The following BRINP3 variants were observed in gnomAD, a reference collection of about 807,000 sequenced individuals.
BRINP3 encodes the protein BMP/retinoic acid inducible neural specific 3, also known as BMP/retinoic acid-inducible neural-specific protein 3.
Under a neutral mutation model 71.0 loss-of-function variants are expected in BRINP3, and 19 were observed. The observed-to-expected ratio is 0.27, with a 90% confidence interval of 0.19 to 0.39. The LOEUF is 0.39. BRINP3 is among the 10% of genes least tolerant of loss of function. The pLI is 1.00. For synonymous variants in BRINP3, 380 were observed against 337.7 expected (o/e 1.13, Z -1.37); for missense variants, 959 against 940.8 (o/e 1.02, Z -0.25).
At chr1:190,389,483 A>T (rs1175895117) in intron 2 of BRINP3, among the ~76,000 whole-genome samples, 1 of 151,860 alleles carries the variant, frequency 6.6e-6, no homozygotes, top group Non-Finnish European at 1.5e-5. Flanking sequence ...TTAGGAACTA[A>T]AATTTAGTCT....
At chr1:190,420,166 C>T (rs559589596) in intron 2 of BRINP3, among the ~76,000 whole-genome samples, 8 of 151,986 alleles carry the variant, frequency 5.3e-5, no homozygotes, top group Non-Finnish European at 1.0e-4. Flanking sequence ...CAAACAGCTG[C>T]TCTAAGAATT....
intron 2 of BRINP3, among the ~76,000 whole-genome samples, chr1:190,299,824 G>A (rs1285889541): frequency 3.3e-5 from 5 of 151,748 alleles, no homozygotes; most frequent in Non-Finnish European, 7.4e-5. Context: ...TAGTTTGGCT[G>A]GATATGAAAT....
Position 190,329,696 on chromosome 1 carries a change from A to T in BRINP3, c.237-47946T>A, listed in dbSNP as rs533207202. Among the ~76,000 whole-genome samples, 154 of 152,192 alleles carry T rather than the reference A, an allele frequency of 1.0e-3. 3 individuals carry two copies. Among genetic ancestry groups the T allele is most frequent in the African/African-American group, 3.6e-3 (148 of 41,552 alleles). On this transcript the variant is annotated intron_variant, in intron 2 of 7. Coordinates refer to ENST00000367462, the MANE Select transcript of BRINP3 (RefSeq NM_199051.3). ...AAAATGAGCCTGAATAGCCAAAGCAACCCTGAGCACAAAGAACAAAGTCAG... is the reference window on the plus strand; with the variant it reads ...AAAATGAGCCTGAATAGCCAAAGCATCCCTGAGCACAAAGAACAAAGTCAG...
intron 2 of BRINP3, among the ~76,000 whole-genome samples, chr1:190,291,841 C>T (rs1663892917): frequency 6.6e-6 from 1 of 152,150 alleles, no homozygotes; most frequent in African/African-American, 2.4e-5. Context: ...GATATCTGCA[C>T]TTCCATGTTT....
At chr1:190,286,273 A>C (rs936915354) in intron 2 of BRINP3, among the ~76,000 whole-genome samples, 1 of 152,118 alleles carries the variant, frequency 6.6e-6, no homozygotes, top group African/African-American at 2.4e-5. Flanking sequence ...TTTTATCCCT[A>C]CTCAGCTCAT....
intron 7 of BRINP3, among the ~76,000 whole-genome samples, chr1:190,100,685 G>C (rs1002909014): frequency 1.3e-5 from 2 of 152,076 alleles, no homozygotes; most frequent in African/African-American, 4.8e-5. Context: ...AGCCTTTCTT[G>C]TCCAGCTTCT....
rs1663063805 is a variant in BRINP3 at position 190,281,825 on chromosome 1, TGGGGTCA to T, written c.237-82_237-76del. The T allele has an allele frequency of 1.4e-5, 20 of 1,399,564 alleles. No individual in the cohort carries two copies. The Middle Eastern group carries it at 5.8e-4, about 41-fold the overall frequency. 86.7% of individuals were successfully genotyped at this position (1,399,564 alleles called of 1,614,324 possible). On this transcript the variant is annotated intron_variant, in intron 2 of 7. Coordinates refer to ENST00000367462, the MANE Select transcript of BRINP3 (RefSeq NM_199051.3). Reference sequence around the variant, plus strand: ...TTTTCATTTGAGTTCACTTGGTAGCTGGGGTCAGTACATTACAATGTCTCTTGCTTGT... The same window carrying T: ...TTTTCATTTGAGTTCACTTGGTAGCTGTACATTACAATGTCTCTTGCTTGT...
chr1:190,334,714 GAAAC>G (rs1266549844), intron 2 of BRINP3, among the ~76,000 whole-genome samples: 7 of 151,746 alleles, frequency 4.6e-5, no homozygotes, highest in Non-Finnish European at 1.0e-4. Context: ...TTAGGTCTCT[GAAAC>G]AAACTTAAAC....
In BRINP3 at chr1:190,365,566, T is replaced by A. The variant is rs756937004; in HGVS notation, c.237-83816A>T. 1.5e-3 allele frequency among the ~76,000 whole-genome samples: 223 copies of A among 147,294 alleles called. 1 individual carries two copies. Among genetic ancestry groups the A allele is most frequent in the Non-Finnish European group, 2.7e-3 (179 of 67,122 alleles). ...ATTTAATTACAATATAATTATATTT[T>A]AGTTTTGTTATGATATTAATTTAAT... On this transcript the variant is annotated intron_variant, in intron 2 of 7. Transcript: ENST00000367462.
At chr1:190,112,254 G>C (rs1652758196) in intron 7 of BRINP3, among the ~76,000 whole-genome samples, 1 of 152,126 alleles carries the variant, frequency 6.6e-6, no homozygotes, top group African/African-American at 2.4e-5. Context: ...GTAAAGAAAA[G>C]GCTTTTAAAA....
chr1:190,332,556 G>T (rs1335972232), intron 2 of BRINP3, among the ~76,000 whole-genome samples: 2 of 152,108 alleles, frequency 1.3e-5, no homozygotes, highest in South Asian at 4.1e-4. Context: ...GAACTCAGGC[G>T]TGTCTACCGT....
chr1:190,374,552 G>C (rs1571892252), intron 2 of BRINP3, among the ~76,000 whole-genome samples: 1 of 102,654 alleles, frequency 9.7e-6, no homozygotes, highest in African/African-American at 4.0e-5. Context: ...AATTTCACTA[G>C]AGTAAACTGA....
chr1:190,147,888 T>A (rs1316506800), intron 7 of BRINP3, among the ~76,000 whole-genome samples: 10 of 152,170 alleles, frequency 6.6e-5, no homozygotes, highest in Non-Finnish European at 1.5e-4. Flanking sequence ...GTTACTTCCA[T>A]CTAGAAATAA....
chr1:190,374,458 T>C (rs1670061592), intron 2 of BRINP3, among the ~76,000 whole-genome samples: 2 of 152,082 alleles, frequency 1.3e-5, no homozygotes, highest in African/African-American at 4.8e-5. Flanking sequence ...ATTTAATTCG[T>C]CAAAAGAGAA....
intron 2 of BRINP3, among the ~76,000 whole-genome samples, chr1:190,370,880 A>G (rs1669817802): frequency 6.6e-6 from 1 of 152,178 alleles, no homozygotes. Flanking sequence ...TTTAATTTGT[A>G]TTTTAATTAA....
chr1:190,106,180 C>T (rs1652145784), intron 7 of BRINP3, among the ~76,000 whole-genome samples: 1 of 151,716 alleles, frequency 6.6e-6, no homozygotes, highest in Admixed American at 6.6e-5. Context: ...ATTCACCCCC[C>T]CATAATATTC....
intron 2 of BRINP3, among the ~76,000 whole-genome samples, chr1:190,382,503 A>T (rs1670610167): frequency 6.6e-6 from 1 of 152,186 alleles, no homozygotes; most frequent in Admixed American, 6.6e-5. Flanking sequence ...AAAAGATCAC[A>T]ATGAGCAAAG....
intron 2 of BRINP3, among the ~76,000 whole-genome samples, chr1:190,416,394 C>T (rs977381700): frequency 9.2e-5 from 14 of 152,012 alleles, no homozygotes; most frequent in Non-Finnish European, 2.1e-4. Flanking sequence ...TGCCCAAGAG[C>T]CCCATGAGAG....
At chr1:190,296,081 G>A (rs1328215173) in intron 2 of BRINP3, among the ~76,000 whole-genome samples, 2 of 148,862 alleles carry the variant, frequency 1.3e-5, no homozygotes, top group Non-Finnish European at 1.5e-5. Flanking sequence ...TTTTTTGGGG[G>A]GGGGCTGGGC....
Sources: allele counts gnomAD v4.1 joint callset (sites outside exome capture counted in the v4.1 genomes callset), GRCh38; gene constraint gnomAD v4.1.1; transcripts MANE v1.5; gene names NCBI Gene and HGNC (gene_info 2026-07-23, HGNC 2026-07-21).